The following SPEN variants were observed in gnomAD, a reference collection of about 807,000 sequenced individuals.
SPEN encodes the protein spen family transcriptional repressor, also known as msx2-interacting protein.
In SPEN, 18 loss-of-function variants were observed where a neutral mutation model predicts 269.9. The ratio of observed to expected loss-of-function variants is 0.07; its 90% CI spans 0.05 to 0.10. The LOEUF (loss-of-function observed/expected upper bound fraction) is 0.10, where lower values mean the gene tolerates loss of function less well. Ranked by LOEUF, SPEN falls within the 10% of genes least tolerant of loss-of-function variation. The pLI is 1.00. For missense variants in SPEN, 3,822 were observed against 4,631.2 expected (o/e 0.83, Z 5.07); for synonymous variants, 1,726 against 1,765.7 (o/e 0.98, Z 0.56).
Position 15,935,308 on chromosome 1 carries a change from C to G in SPEN, c.9068C>G (p.Ala3023Gly). 2.5e-6 allele frequency: 4 copies of G among 1,614,146 alleles called. No individual in the cohort carries two copies. The highest frequency in any genetic ancestry group is 3.4e-6 in the Non-Finnish European group (4 of 1,180,024). The change falls in exon 11 of 15, where the codon GCT becomes GGT. Residue 3023 changes from alanine to glycine, a missense_variant. Transcript: ENST00000375759. This position sits in a 1 kb window ranked among gnomAD's most constrained non-coding sequence, Gnocchi z 7.7. ...CATTTGGCAGCTGCAAAGCTAGATG[C>G]TCATTCTCCTCGACCAAGTGGACCC... ...VSHLAAAKLD[A>G]HSPRPSGPGP...
chr1:15,868,790 T>A (rs2070543923), intron 1 of SPEN, among the ~76,000 whole-genome samples: 1 of 152,256 alleles, frequency 6.6e-6, no homozygotes, highest in Non-Finnish European at 1.5e-5. Flanking sequence ...TTTAGATTTA[T>A]CATTGACTTG....
chr1:15,861,682 T>C lies in SPEN; in HGVS notation c.84-11134T>C, dbSNP rs1049248886. On this transcript the variant is annotated intron_variant, in intron 1 of 14. Coordinates refer to ENST00000375759, the MANE Select transcript of SPEN (RefSeq NM_015001.3). ...GAGTAGTGACAGGGTCTTGCTGTGT[T>C]TCCAGGCTGGTCTCAAAACTCCTTG... 3.3e-5 allele frequency among the ~76,000 whole-genome samples: 5 copies of C among 152,016 alleles called. No homozygotes were observed. The East Asian group carries it at 9.7e-4, about 29-fold the overall frequency.
intron 1 of SPEN, among the ~76,000 whole-genome samples, chr1:15,850,398 AG>A (rs2070323272): frequency 3.1e-5 from 1 of 32,464 alleles, no homozygotes; most frequent in Admixed American, 1.7e-4. Flanking sequence ...TTTATTTTAA[AG>A]GTTTTTTTTT....
At chr1:15,881,274 G>A (rs143637620) in intron 3 of SPEN, among the ~76,000 whole-genome samples, 1 of 152,282 alleles carries the variant, frequency 6.6e-6, no homozygotes, top group African/African-American at 2.4e-5. Context: ...CAACTTTTGG[G>A]TTTTATTCTG....
chr1:15,880,222 T>C (rs892944388), intron 3 of SPEN, among the ~76,000 whole-genome samples: 1 of 152,126 alleles, frequency 6.6e-6, no homozygotes, highest in Non-Finnish European at 1.5e-5. Flanking sequence ...CTGTCTTATG[T>C]CTGTGTAGAT....
chr1:15,860,199 C>A (rs957607637), intron 1 of SPEN, among the ~76,000 whole-genome samples: 1 of 151,430 alleles, frequency 6.6e-6, no homozygotes, highest in African/African-American at 2.4e-5. Flanking sequence ...GCGTGAGCCA[C>A]CGTGCCTGGC....
intron 2 of SPEN, among the ~76,000 whole-genome samples, chr1:15,874,776 A>G (rs2070614756): frequency 6.6e-6 from 1 of 152,198 alleles, no homozygotes; most frequent in African/African-American, 2.4e-5. Flanking sequence ...ACTGTAGTAA[A>G]TAAAAGAGAA....
chr1:15,868,498 G>A (rs1468147251), intron 1 of SPEN, among the ~76,000 whole-genome samples: 4 of 150,930 alleles, frequency 2.7e-5, no homozygotes, highest in Non-Finnish European at 4.4e-5. Flanking sequence ...GCAGTGGTGC[G>A]ATCTTGGCTC....
chr1:15,919,134 C>G (rs555843918), intron 7 of SPEN, 83 bp downstream of exon 7: 290 of 1,219,678 alleles, frequency 2.4e-4, no homozygotes, highest in Admixed American at 1.0e-3. Context: ...TTGCATATGC[C>G]TTATTATTTA....
chr1:15,850,883 C>T (rs1218608116), intron 1 of SPEN, among the ~76,000 whole-genome samples: 1 of 152,164 alleles, frequency 6.6e-6, no homozygotes, highest in Non-Finnish European at 1.5e-5. Context: ...CTTTAAGTGC[C>T]TACTCTTATC....
At position 15,938,837 on chromosome 1, in the gene SPEN, G is replaced by A. The variant is rs138107503; in HGVS notation, c.10824G>A (p.Ala3608=). 71 of 1,613,904 alleles carry A rather than the reference G, an allele frequency of 4.4e-5. No homozygotes were observed. The highest frequency in any genetic ancestry group is 5.3e-5 in the Non-Finnish European group (63 of 1,180,012). Residue 3608 remains alanine, a synonymous_variant, in exon 14 of 15, where the codon GCG becomes GCA. Transcript: ENST00000375759. ...TCACTTACCTGCAGGCCAAGCAGGC[G>A]GCAGGGATCATCAACGTTCCCAACC... is the stretch of plus-strand genomic sequence containing the variant. ...AFITYLQAKQ[A]AGIINVPNPG...
At chr1:15,869,518 G>A (rs1487425329) in intron 1 of SPEN, among the ~76,000 whole-genome samples, 1 of 152,146 alleles carries the variant, frequency 6.6e-6, no homozygotes, top group Admixed American at 6.5e-5. Context: ...GAGTTCAAAA[G>A]AGGAATGATT....
Position 15,935,239 on chromosome 1 carries a change from A to G in SPEN, c.8999A>G (p.His3000Arg). 5 of 1,613,870 alleles carry G rather than the reference A, an allele frequency of 3.1e-6. No homozygotes were observed. Among genetic ancestry groups the G allele is most frequent in the Non-Finnish European group, 4.2e-6 (5 of 1,179,948 alleles). The change falls in exon 11 of 15, where the codon CAT becomes CGT. Residue 3000 changes from histidine to arginine, a missense_variant. Physicochemically the swap from His to Arg is conservative, Grantham distance 29. Around this residue, in one of 16 missense-constraint regions of SPEN, gnomAD observed 94 missense variants for 90.4 expected, o/e 1.04. Transcript: ENST00000375759. This position sits in a 1 kb window ranked among gnomAD's most constrained non-coding sequence, Gnocchi z 7.7. ...AGCAAACTGCCTACAGAAGTCAACC[A>G]TGTCCCCTCGGGGCCCAGCATCCCA... The part of the protein sequence containing the change: ...LPSKLPTEVN[H>R]VPSGPSIPAD...
Position 15,910,291 on chromosome 1 carries a change from A to G in SPEN, c.1042+810A>G, listed in dbSNP as rs191962500. Among the ~76,000 whole-genome samples, 1,148 of 152,158 alleles carry G rather than the reference A, an allele frequency of 7.5e-3. 11 individuals carry two copies. The highest frequency in any genetic ancestry group is 0.01 in the Non-Finnish European group (684 of 67,998). On this transcript the variant is annotated intron_variant, in intron 4 of 14. Coordinates refer to ENST00000375759, the MANE Select transcript of SPEN (RefSeq NM_015001.3). ...GGGAGTAAAATTGGCTTGCCTTTCT[A>G]TACACCTTTTATATTTCTAATAAAG... is the stretch of plus-strand genomic sequence containing the variant.
chr1:15,910,952 C>T (rs1005269519), intron 4 of SPEN, 149 bp from the exon 5 acceptor site: 6 of 632,682 alleles, frequency 9.5e-6, no homozygotes, highest in African/African-American at 9.2e-5. Flanking sequence ...GTGAGGTGTG[C>T]CTCCCTCAGA....
intron 1 of SPEN, among the ~76,000 whole-genome samples, chr1:15,852,500 A>G (rs1213189592): frequency 6.6e-6 from 1 of 152,220 alleles, no homozygotes; most frequent in Non-Finnish European, 1.5e-5. Context: ...ATAAAAAATA[A>G]TAAAATGGGT....
chr1:15,857,050 C>A (rs184903221), intron 1 of SPEN, among the ~76,000 whole-genome samples: 1 of 151,850 alleles, frequency 6.6e-6, no homozygotes, highest in Non-Finnish European at 1.5e-5. Context: ...GGCCTATCTG[C>A]TTTTCTCCTT....
chr1:15,932,823 C>T lies in SPEN; in HGVS notation c.6583C>T (p.Pro2195Ser). Residue 2195 changes from proline (P) to serine (S), a missense_variant, in exon 11 of 15, where the codon CCA becomes TCA. Coordinates refer to ENST00000375759, the MANE Select transcript of SPEN (RefSeq NM_015001.3). This position sits in a 1 kb window ranked among gnomAD's most constrained non-coding sequence, Gnocchi z 4.2. ...SASAAYKADA[P>S]EGLAPEDRDK... is the part of the protein sequence containing the mutation. ...CTCTGCTGCCTATAAGGCAGATGCA[C>T]CAGAGGGCCTTGCCCCAGAGGACAG... 1.9e-6 allele frequency: 3 copies of T among 1,614,198 alleles called. No individual in the cohort carries two copies. Among genetic ancestry groups the T allele is most frequent in the Non-Finnish European group, 1.7e-6 (2 of 1,180,036 alleles).
intron 10 of SPEN, among the ~76,000 whole-genome samples, chr1:15,926,935 G>A (rs900265815): frequency 3.3e-5 from 5 of 152,144 alleles, no homozygotes; most frequent in Admixed American, 2.0e-4. Flanking sequence ...CTCGTGATCC[G>A]CCTGCCTTGG....
Sources: gnomAD v4.1 joint callset for allele counts (sites outside exome capture counted in the v4.1 genomes callset) on GRCh38, gnomAD v4.1.1 for gene constraint, gnomAD v4.1.1 regional missense constraint, Gnocchi (gnomAD v3.1) non-coding constraint, MANE v1.5 for transcripts, NCBI Gene and HGNC (gene_info 2026-07-23, HGNC 2026-07-21) for gene names.